Variants in DIXDC1 observed in about 807,000 individuals in gnomAD.
DIXDC1 encodes DIX domain containing 1.
DIXDC1 carries 64 observed loss-of-function variants against 103.1 expected under a neutral mutation model. The ratio of observed to expected loss-of-function variants is 0.62; its 90% CI spans 0.51 to 0.76. The LOEUF (loss-of-function observed/expected upper bound fraction) is 0.76, where lower values mean the gene tolerates loss of function less well. Ranked by LOEUF, DIXDC1 falls within the 30% of genes least tolerant of loss-of-function variation. The pLI is 0.00. For missense variants in DIXDC1, 759 were observed against 834.2 expected (o/e 0.91, Z 1.11); for synonymous variants, 266 against 298.5 (o/e 0.89, Z 1.12).
chr11:111,955,826 T>G (rs1859334916), intron 1 of DIXDC1, among the ~76,000 whole-genome samples: 1 of 103,896 alleles, frequency 9.6e-6, no homozygotes, highest in Non-Finnish European at 1.7e-5. Flanking sequence ...AGAGTGAGAC[T>G]CTAGCTCAAA....
At chr11:111,929,770 T>A (rs1965954391) in intron 1 of DIXDC1, 1 of 1,327,032 alleles carries the variant, frequency 7.5e-7, no homozygotes, top group Non-Finnish European at 1.0e-6. Context: ...TTAAATTTTT[T>A]TTTTCCTGGC....
intron 1 of DIXDC1, among the ~76,000 whole-genome samples, chr11:111,956,710 G>A (rs1015379040): frequency 6.6e-6 from 1 of 152,192 alleles, no homozygotes. Context: ...GGCTGATCTC[G>A]AACTCCTGAC....
intron 17 of DIXDC1, among the ~76,000 whole-genome samples, chr11:112,001,093 A>T (rs587685323): frequency 9.2e-5 from 14 of 152,386 alleles, no homozygotes; most frequent in Non-Finnish European, 1.8e-4. Flanking sequence ...GTATATGCAT[A>T]CAGTGGAATA....
At chr11:112,004,365 C>T (rs981106747) in intron 17 of DIXDC1, among the ~76,000 whole-genome samples, 5 of 151,952 alleles carry the variant, frequency 3.3e-5, no homozygotes, top group African/African-American at 1.2e-4. Context: ...ACTGTGGAAG[C>T]GAAGTAAATC....
chr11:111,957,927 G>A (rs938527224), intron 1 of DIXDC1, among the ~76,000 whole-genome samples: 17 of 152,266 alleles, frequency 1.1e-4, no homozygotes, highest in African/African-American at 3.9e-4. Context: ...AGGTGTGGCC[G>A]GGGCGGCACG....
chr11:112,020,819 G>T lies in DIXDC1; in HGVS notation c.*1783G>T, dbSNP rs1555178356. 3 of 152,094 alleles carry T rather than the reference G, an allele frequency of 2.0e-5. No homozygotes were observed. The highest frequency in any genetic ancestry group is 4.8e-5 in the African/African-American group (2 of 41,420). 9.4% of individuals were successfully genotyped at this position (152,094 alleles called of 1,614,324 possible). ...GTTTACCTGGTCTTTTCCTATTGAA[G>T]AATTTTTCATCAGAAACGACTGGGA... On this transcript the variant is annotated 3_prime_UTR_variant, in exon 20 of 20. Coordinates refer to ENST00000440460, the MANE Select transcript of DIXDC1 (RefSeq NM_001037954.4).
chr11:112,007,819 G>C (rs1861284618), intron 17 of DIXDC1, among the ~76,000 whole-genome samples: 1 of 152,170 alleles, frequency 6.6e-6, no homozygotes, highest in Non-Finnish European at 1.5e-5. Flanking sequence ...ACTAAACATG[G>C]AAAGGAACAA....
At chr11:111,938,152 C>T (rs35759638) in intron 1 of DIXDC1, among the ~76,000 whole-genome samples, 1 of 152,036 alleles carries the variant, frequency 6.6e-6, no homozygotes, top group East Asian at 1.9e-4. Flanking sequence ...GGAGCCAGCG[C>T]GTGCACCGGT....
Position 111,958,531 on chromosome 11 carries a change from C to T in DIXDC1, c.61-6018C>T, listed in dbSNP as rs1276074246. 6.6e-6 allele frequency among the ~76,000 whole-genome samples: 1 copy of T among 152,196 alleles called. No homozygotes were observed. Among genetic ancestry groups the T allele is most frequent in the African/African-American group, 2.4e-5 (1 of 41,448 alleles). On this transcript the variant is annotated intron_variant, in intron 1 of 19. Coordinates refer to ENST00000440460, the MANE Select transcript of DIXDC1 (RefSeq NM_001037954.4). The surrounding 1 kb of genome is among the most constrained non-coding windows in gnomAD (Gnocchi z 4.2). ...CCCTGCTGCCTTAGCTCCCTCTGGACTTTGGGTGCCGAAAAGCACCAGAGG... is the reference window on the plus strand; with the variant it reads ...CCCTGCTGCCTTAGCTCCCTCTGGATTTTGGGTGCCGAAAAGCACCAGAGG...
Position 111,977,838 on chromosome 11 carries a change from G to A in DIXDC1, c.656+2855G>A. 1 of 1,536,858 alleles carries A rather than the reference G, an allele frequency of 6.5e-7. No homozygotes were observed. The highest frequency in any genetic ancestry group is 8.8e-7 in the Non-Finnish European group (1 of 1,140,244). ...GGCTTTGGAAGTGGGGGGCCTGGGT[G>A]GGAACAGGGGCAGGGCTGGAGGATG... On this transcript the variant is annotated intron_variant, in intron 5 of 19. Coordinates refer to ENST00000440460, the MANE Select transcript of DIXDC1 (RefSeq NM_001037954.4). This position sits in a 1 kb window ranked among gnomAD's most constrained non-coding sequence, Gnocchi z 6.1.
At chr11:111,970,979 A>G (rs868976791) in intron 3 of DIXDC1, among the ~76,000 whole-genome samples, 1 of 152,226 alleles carries the variant, frequency 6.6e-6, no homozygotes, top group African/African-American at 2.4e-5. Flanking sequence ...TTAACTCAAG[A>G]TGGAATAAAG....
At chr11:111,944,320 A>G (rs1464599388) in intron 1 of DIXDC1, among the ~76,000 whole-genome samples, 1 of 152,214 alleles carries the variant, frequency 6.6e-6, no homozygotes, top group African/African-American at 2.4e-5. Flanking sequence ...GAAAACATAG[A>G]GTCGCCTCCT....
intron 1 of DIXDC1, 38 bp from the exon 2 acceptor site, chr11:111,964,511 A>G: frequency 6.4e-7 from 1 of 1,561,066 alleles, no homozygotes; most frequent in Non-Finnish European, 8.7e-7. Flanking sequence ...TGAGATTAAT[A>G]TGCTCTCTTT....
intron 17 of DIXDC1, among the ~76,000 whole-genome samples, chr11:112,006,898 TCTC>T (rs1270937807): frequency 1.9e-4 from 29 of 152,224 alleles, no homozygotes; most frequent in Non-Finnish European, 2.1e-4. Flanking sequence ...GAGTACCTCT[TCTC>T]CTCCAAAGGA....
intron 7 of DIXDC1, among the ~76,000 whole-genome samples, chr11:111,982,694 G>A (rs1375308704): frequency 6.6e-6 from 1 of 152,150 alleles, no homozygotes; most frequent in Non-Finnish European, 1.5e-5. Context: ...ATAGCACAGC[G>A]CTTAAGATTT....
intron 1 of DIXDC1, among the ~76,000 whole-genome samples, chr11:111,960,895 T>C (rs1859552819): frequency 6.6e-6 from 1 of 152,164 alleles, no homozygotes; most frequent in African/African-American, 2.4e-5. Flanking sequence ...AAGAATCATA[T>C]GGGAAAGCTT....
chr11:111,983,923 T>C (rs1555173568), intron 7 of DIXDC1, among the ~76,000 whole-genome samples: 1 of 152,248 alleles, frequency 6.6e-6, no homozygotes, highest in Non-Finnish European at 1.5e-5. Context: ...ACATCCAAGA[T>C]TTCTGACTTA....
At chr11:112,002,998 G>A (rs1323066656) in intron 17 of DIXDC1, among the ~76,000 whole-genome samples, 1 of 152,118 alleles carries the variant, frequency 6.6e-6, no homozygotes, top group Non-Finnish European at 1.5e-5. Context: ...AGAAAGACAA[G>A]TACCACATGT....
At chr11:111,943,336 G>T (rs587672489) in intron 1 of DIXDC1, among the ~76,000 whole-genome samples, 1 of 151,990 alleles carries the variant, frequency 6.6e-6, no homozygotes, top group South Asian at 2.1e-4. Context: ...TAGAGACAGG[G>T]TTTCACCATG....
Sources: gnomAD v4.1 joint callset for allele counts (sites outside exome capture counted in the v4.1 genomes callset) on GRCh38, gnomAD v4.1.1 for gene constraint, Gnocchi (gnomAD v3.1) non-coding constraint, MANE v1.5 for transcripts, NCBI Gene and HGNC (gene_info 2026-07-23, HGNC 2026-07-21) for gene names.